TMEM175: variants seen among roughly 807,000 people sequenced by gnomAD.
The protein encoded by TMEM175 is transmembrane protein 175.
In TMEM175, 36 loss-of-function variants were observed where a neutral mutation model predicts 36.5. The ratio of observed to expected loss-of-function variants is 0.99; its 90% confidence interval spans 0.76 to 1.30. TMEM175 has a LOEUF of 1.30. Ranked by LOEUF, TMEM175 falls within the 50% of genes most tolerant of loss-of-function variation. The pLI is 0.00. For missense variants in TMEM175, 705 were observed against 692.8 expected, an observed-to-expected ratio of 1.02 and a Z score of -0.20; for synonymous variants, 339 against 313.4, an observed-to-expected ratio of 1.08 and a Z score of -0.86.
intron 7 of TMEM175, 151 bp downstream of exon 7, chr4:952,601 A>AGT: frequency 1.4e-6 from 1 of 704,922 alleles, no homozygotes; most frequent in African/African-American, 2.2e-5. Flanking sequence ...GTTCACCATC[A>AGT]GCCCTCTTGG....
At position 950,398 on chromosome 4, in the gene TMEM175, ACAG is replaced by A; in HGVS notation, c.193-19_193-17del. The A allele has an allele frequency of 6.3e-7, 1 of 1,584,442 alleles. No homozygotes were observed. Among genetic ancestry groups the A allele is most frequent in the Non-Finnish European group, 8.7e-7 (1 of 1,153,238 alleles). ...GGACACTCATGTCACCTGGGCTCTG[ACAG>A]CAGTGCTCTTGTATTCCAGCAGTTC... On this transcript the variant is annotated intron_variant, in intron 3 of 10. Coordinates refer to ENST00000264771, the MANE Select transcript of TMEM175 (RefSeq NM_032326.4).
At chr4:940,325 G>C (rs1395405952) in intron 1 of TMEM175, among the ~76,000 whole-genome samples, 1 of 151,798 alleles carries the variant, frequency 6.6e-6, no homozygotes, top group Non-Finnish European at 1.5e-5. Flanking sequence ...GCATGCGCCT[G>C]TAATCCCAGC....
intron 1 of TMEM175, among the ~76,000 whole-genome samples, chr4:936,947 C>T (rs1285600173): frequency 6.6e-6 from 1 of 151,276 alleles, no homozygotes; most frequent in East Asian, 1.9e-4. Flanking sequence ...CACAGTAGGA[C>T]TCTGTCTCAA....
At chr4:949,573 T>C (rs1728602555) in intron 3 of TMEM175, among the ~76,000 whole-genome samples, 1 of 152,212 alleles carries the variant, frequency 6.6e-6, no homozygotes, top group African/African-American at 2.4e-5. Flanking sequence ...AAAAGCTAAA[T>C]GGGACTCAAT....
chr4:956,405 C>T (rs1156404886), intron 10 of TMEM175: 11 of 1,288,852 alleles, frequency 8.5e-6, no homozygotes, highest in African/African-American at 4.6e-5. Flanking sequence ...TTAGAGCGCG[C>T]GTCTCGTCTC....
chr4:956,321 T>A (rs1185110271), intron 10 of TMEM175: 3 of 1,283,998 alleles, frequency 2.3e-6, no homozygotes, highest in African/African-American at 1.6e-5. Context: ...TCGCAGCCCC[T>A]CCTGCTCCCT....
chr4:945,251 CAT>C (rs1727991375), intron 1 of TMEM175, among the ~76,000 whole-genome samples: 1 of 152,178 alleles, frequency 6.6e-6, no homozygotes, highest in African/African-American at 2.4e-5. Context: ...CTGAAACACA[CAT>C]GTCCGTTTAC....
chr4:957,095 A>G (rs1437022904), intron 10 of TMEM175, among the ~76,000 whole-genome samples: 1 of 152,186 alleles, frequency 6.6e-6, no homozygotes, highest in African/African-American at 2.4e-5. Context: ...ACCTGGAGCC[A>G]TGGCCAGGGG....
At position 958,460 on chromosome 4, in the gene TMEM175, C is replaced by T. The variant is rs200611861; in HGVS notation, c.1479C>T (p.Asp493=). Residue 493 remains aspartate (D), a synonymous_variant, in exon 11 of 11, where the codon GAC becomes GAT. Transcript: ENST00000264771. ...CCCCGCCAGCCCCCACGGGCCAGGA[C>T]GACCCACAGTCCCAGCTCCTCCCTG... The part of the protein sequence containing the change: ...EHPPPAPTGQ[D]DPQSQLLPAP... The T allele has an allele frequency of 1.7e-5, 26 of 1,575,214 alleles. No individual in the cohort carries two copies. Among genetic ancestry groups the T allele is most frequent in the African/African-American group, 6.7e-5 (5 of 74,480 alleles).
At position 953,366 on chromosome 4, in the gene TMEM175, G is replaced by A. The variant is rs756982474; in HGVS notation, c.627+12G>A. 1 of 1,595,390 alleles carries A rather than the reference G, an allele frequency of 6.3e-7. No individual in the cohort carries two copies. The highest frequency in any genetic ancestry group is 1.1e-5 in the South Asian group (1 of 89,058). On this transcript the variant is annotated intron_variant, in intron 8 of 10. Coordinates refer to ENST00000264771, the MANE Select transcript of TMEM175 (RefSeq NM_032326.4). ...TCTTTGTCCCCTTGGTGAGTGCTGG[G>A]ACAGCCCGTGGGGCCCAGGCAGGAA...
chr4:936,487 G>C (rs1726793631), intron 1 of TMEM175, among the ~76,000 whole-genome samples: 1 of 152,158 alleles, frequency 6.6e-6, no homozygotes, highest in Non-Finnish European at 1.5e-5. Context: ...TCTCTGGCCA[G>C]ATTGAACAAG....
At chr4:952,634 G>A (rs1181434047) in intron 7 of TMEM175, among the ~76,000 whole-genome samples, 184 bp downstream of exon 7, 1 of 142,058 alleles carries the variant, frequency 7.0e-6, no homozygotes, top group Non-Finnish European at 1.5e-5. Flanking sequence ...TGTGCTGTGT[G>A]TGTGTGTGTG....
chr4:958,081 G>C lies in TMEM175; in HGVS notation c.1100G>C (p.Arg367Pro). Residue 367 changes from arginine (R) to proline (P), a missense_variant, in exon 11 of 11, where the codon CGG becomes CCG. Physicochemically the swap from Arg to Pro is moderately radical, Grantham distance 103. Coordinates refer to ENST00000264771, the MANE Select transcript of TMEM175 (RefSeq NM_032326.4). ...LAYQQTSAFA[R>P]QPRDELERVR... Reference sequence around the variant, plus strand: ...TACCAGCAGACCTCGGCCTTCGCCCGGCAGCCCCGCGATGAGCTGGAGCGC... The same window carrying C: ...TACCAGCAGACCTCGGCCTTCGCCCCGCAGCCCCGCGATGAGCTGGAGCGC... The C allele has an allele frequency of 6.2e-7, 1 of 1,608,074 alleles. No individual in the cohort carries two copies.
intron 3 of TMEM175, 91 bp downstream of exon 3, chr4:948,245 C>T (rs775069668): frequency 1.9e-5 from 30 of 1,609,518 alleles, no homozygotes; most frequent in South Asian, 1.4e-4. Context: ...TGACCCTGCA[C>T]GCCTCGAAGC....
chr4:941,880 C>G (rs923598897), intron 1 of TMEM175, among the ~76,000 whole-genome samples: 1 of 151,870 alleles, frequency 6.6e-6, no homozygotes, highest in Non-Finnish European at 1.5e-5. Context: ...ACATAGACCC[C>G]ATGTCTTTAT....
At chr4:948,075 C>G (rs1470367080) in intron 2 of TMEM175, 41 bp from the exon 3 acceptor site, 1 of 1,613,996 alleles carries the variant, frequency 6.2e-7, no homozygotes, top group East Asian at 2.2e-5. Context: ...CAACAAGCGT[C>G]TCTTGCTCTC....
chr4:947,863 G>A lies in TMEM175; in HGVS notation c.124G>A (p.Ala42Thr), dbSNP rs368894058. 1.2e-5 allele frequency: 20 copies of A among 1,613,518 alleles called. No individual in the cohort carries two copies. The highest frequency in any genetic ancestry group is 4.4e-5 in the South Asian group (4 of 91,088). Reference protein sequence around the residue: ...CSQRMLSFSDALLSIIATVMI... With the variant: ...CSQRMLSFSDTLLSIIATVMI... ...CCAACGCATGCTCAGCTTCAGTGAC[G>A]CCCTGCTGTCCATCATCGCCACCGT... Residue 42 changes from alanine (A) to threonine (T), a missense_variant, in exon 2 of 11, where the codon GCC becomes ACC. Ala to Thr is a moderately conservative substitution (Grantham distance 58). Transcript: ENST00000264771.
rs147386188 is a variant in TMEM175, at chr4:958,283, C to T, written c.1302C>T (p.Phe434=). The T allele has an allele frequency of 1.7e-5, 28 of 1,606,224 alleles. No homozygotes were observed. The highest frequency in any genetic ancestry group is 6.7e-5 in the Admixed American group (4 of 60,000). ...ALYPCASLLA[F]ASTCLLSRFS... ...ACCCCTGTGCCAGCCTGCTGGCCTT[C>T]GCCTCCACCTGCCTGCTGAGCAGGT... Residue 434 remains phenylalanine (F), a synonymous_variant, in exon 11 of 11, where the codon TTC becomes TTT. Transcript: ENST00000264771.
intron 6 of TMEM175, chr4:952,095 G>A: frequency 1.7e-6 from 1 of 591,408 alleles, no homozygotes; most frequent in East Asian, 2.8e-5. Context: ...AGTGTGCGGG[G>A]CTGTGTGCCA....
Sources: allele counts gnomAD v4.1 joint callset (sites outside exome capture counted in the v4.1 genomes callset), GRCh38; gene constraint gnomAD v4.1.1; transcripts MANE v1.5; gene names NCBI Gene and HGNC (gene_info 2026-07-23, HGNC 2026-07-21).